ZNF18: variants seen among roughly 807,000 people sequenced by gnomAD.
The protein encoded by ZNF18 is zinc finger protein 18, also known as heart development-specific gene 1 protein.
A neutral mutation model predicts 58.1 loss-of-function variants in ZNF18; 42 were observed. The ratio of observed to expected loss-of-function variants is 0.72; its 90% CI spans 0.56 to 0.93. ZNF18 has a LOEUF of 0.93. ZNF18 is among the 40% of genes least tolerant of loss of function. The pLI, the probability that ZNF18 is intolerant of heterozygous loss-of-function variation, is 0.00. For synonymous variants in ZNF18, 231 were observed against 239.8 expected (o/e 0.96, Z 0.34); for missense variants, 540 against 644.2 (o/e 0.84, Z 1.75).
chr17:11,983,782 G>T (rs1967538527), intron 5 of ZNF18, among the ~76,000 whole-genome samples: 1 of 152,102 alleles, frequency 6.6e-6, no homozygotes, highest in East Asian at 1.9e-4. Flanking sequence ...GCCCACTTAT[G>T]AGCTATGTGG....
intron 4 of ZNF18, among the ~76,000 whole-genome samples, chr17:11,988,916 T>C (rs1258848394): frequency 2.0e-5 from 3 of 151,948 alleles, no homozygotes; most frequent in African/African-American, 7.3e-5. Context: ...CCCAGCACTC[T>C]GGGAGACCCA....
chr17:12,019,017 C>T, the ZNF18 span, among the ~76,000 whole-genome samples: 5 of 151,934 alleles, frequency 3.3e-5, no homozygotes, highest in Non-Finnish European at 5.9e-5. Flanking sequence ...TGCAGTGGCA[C>T]AATCTCGGCT....
Position 11,977,527 on chromosome 17 carries a change from G to A in ZNF18, c.*430C>T, listed in dbSNP as rs148876757. On this transcript the variant is annotated 3_prime_UTR_variant, in exon 7 of 7. Transcript: ENST00000580306. The stretch of plus-strand genomic sequence containing the variant: ...CCCCTATGACAAAGAACACACGTGA[G>A]CTCACAGGCCCTCTATGCTTCTCCC... 4,525 of 160,456 alleles carry A rather than the reference G, an allele frequency of 0.028. 101 individuals are homozygous for A. The highest frequency in any genetic ancestry group is 0.089 in the Middle Eastern group (27 of 304). 9.9% of individuals were successfully genotyped at this position (160,456 alleles called of 1,614,324 possible). A position where few individuals can be genotyped will look rare whatever the true frequency, so the allele number is the denominator to read the frequency against.
At chr17:11,990,847 G>A in intron 3 of ZNF18, 127 bp downstream of exon 3, 1 of 1,081,698 alleles carries the variant, frequency 9.2e-7, no homozygotes, top group Non-Finnish European at 1.4e-6. Flanking sequence ...GTTTATTTAG[G>A]TCTAACCTGT....
the ZNF18 span, among the ~76,000 whole-genome samples, chr17:12,004,612 G>A: frequency 6.6e-6 from 1 of 152,096 alleles, no homozygotes; most frequent in African/African-American, 2.4e-5. Flanking sequence ...TTATGGCCGG[G>A]CACGGTGGCT....
At chr17:12,019,275 A>C in the ZNF18 span, among the ~76,000 whole-genome samples, 12 of 146,694 alleles carry the variant, frequency 8.2e-5, no homozygotes, top group African/African-American at 3.0e-4. Context: ...TCTTTAATAT[A>C]TGTTATTTAT....
chr17:11,992,403 C>A lies in ZNF18; in HGVS notation c.387+40G>T, dbSNP rs376341892. 1.3e-5 allele frequency: 20 copies of A among 1,586,568 alleles called. No individual in the cohort carries two copies. In the African/African-American group the frequency reaches 2.7e-4, roughly 21 times the overall value. ...CACACCTGATGGGACCAGAGAGGAGCCCTGTGTTTCACTCGCAGATCATAA... is the reference window on the plus strand; with the variant it reads ...CACACCTGATGGGACCAGAGAGGAGACCTGTGTTTCACTCGCAGATCATAA... On this transcript the variant is annotated intron_variant, in intron 2 of 6. Transcript: ENST00000580306.
At chr17:12,020,801 G>C in the ZNF18 span, 2 of 563,122 alleles carry the variant, frequency 3.6e-6, no homozygotes. Flanking sequence ...CCAAGGCGGG[G>C]GTAAGCCTCG....
the ZNF18 span, among the ~76,000 whole-genome samples, chr17:12,005,858 A>T: frequency 1.2e-4 from 19 of 152,214 alleles, no homozygotes; most frequent in Non-Finnish European, 2.6e-4. Flanking sequence ...TGTATATATT[A>T]TTTATGAATA....
intron 1 of ZNF18, among the ~76,000 whole-genome samples, chr17:11,995,057 C>A (rs1286547868): frequency 6.6e-6 from 1 of 152,050 alleles, no homozygotes; most frequent in African/African-American, 2.4e-5. Context: ...CCCTTGCAAC[C>A]GTAATCCAAT....
At chr17:12,021,332 G>C in the ZNF18 span, 2 of 168,854 alleles carry the variant, frequency 1.2e-5, no homozygotes, top group Admixed American at 1.3e-4. Context: ...CCTGGCGCCC[G>C]CCCGGCCCCC....
the ZNF18 span, among the ~76,000 whole-genome samples, chr17:12,011,892 G>A: frequency 6.7e-6 from 1 of 150,098 alleles, no homozygotes; most frequent in Non-Finnish European, 1.5e-5. Flanking sequence ...GTAGAGATGG[G>A]ATTTCACCAC....
At chr17:12,010,745 C>T in the ZNF18 span, 1 of 288,602 alleles carries the variant, frequency 3.5e-6, no homozygotes, top group Non-Finnish European at 6.7e-6. Context: ...ACTTACTATG[C>T]CATGAATTCA....
chr17:11,989,883 C>G (rs1017468922), intron 4 of ZNF18, among the ~76,000 whole-genome samples: 31 of 151,934 alleles, frequency 2.0e-4, no homozygotes, highest in Non-Finnish European at 3.8e-4. Flanking sequence ...GATTAATGAA[C>G]TTTAAGACAT....
the ZNF18 span, among the ~76,000 whole-genome samples, chr17:12,004,418 T>A: frequency 6.6e-6 from 1 of 152,156 alleles, no homozygotes. Context: ...CAAAATAATC[T>A]CAGTTTGAAG....
chr17:11,981,994 C>T (rs895935096), intron 6 of ZNF18, among the ~76,000 whole-genome samples: 1 of 152,058 alleles, frequency 6.6e-6, no homozygotes, highest in Non-Finnish European at 1.5e-5. Flanking sequence ...GTGGAGTCCT[C>T]ATGATGGGAT....
At chr17:11,998,878 G>A (rs1486837197), upstream of ZNF18, among the ~76,000 whole-genome samples, 4 of 113,856 alleles carry the variant, frequency 3.5e-5, no homozygotes, top group Admixed American at 1.2e-4. Flanking sequence ...GTTTCACCAT[G>A]TTGGCCAGGC....
At chr17:11,984,697 T>C (rs1967621845) in intron 4 of ZNF18, among the ~76,000 whole-genome samples, 1 of 152,054 alleles carries the variant, frequency 6.6e-6, no homozygotes, top group African/African-American at 2.4e-5. Context: ...GTATTTTTAG[T>C]AGAGATGGGG....
At chr17:12,015,660 A>G in the ZNF18 span, among the ~76,000 whole-genome samples, 4 of 152,200 alleles carry the variant, frequency 2.6e-5, no homozygotes, top group African/African-American at 9.7e-5. Flanking sequence ...TTGTTTTAGC[A>G]TATCTCTATC....
Sources: gnomAD v4.1 joint callset for allele counts (sites outside exome capture counted in the v4.1 genomes callset) on GRCh38, gnomAD v4.1.1 for gene constraint, MANE v1.5 for transcripts, NCBI Gene and HGNC (gene_info 2026-07-23, HGNC 2026-07-21) for gene names.